The following GGT1 variants were observed in gnomAD, a reference collection of about 807,000 sequenced individuals.
GGT1 encodes glutathione hydrolase 1 proenzyme.
A neutral mutation model predicts 56.0 loss-of-function variants in GGT1; 21 were observed. That is an observed-to-expected ratio of 0.38 (90% CI 0.27 to 0.54). The LOEUF (loss-of-function observed/expected upper bound fraction) is 0.54. Among genes scored for constraint, GGT1 ranks in the 20% least tolerant of loss-of-function variants. The probability of loss-of-function intolerance (pLI) is 0.82; values close to 1 mark genes in which losing one functional copy is unlikely to be tolerated. For synonymous variants in GGT1, 238 were observed against 342.6 expected, an observed-to-expected ratio of 0.69 and a Z score of 3.37; for missense variants, 466 against 787.0, an observed-to-expected ratio of 0.59 and a Z score of 4.88.
chr22:24,592,267 A>G (rs2045592206), upstream of GGT1: 2 of 465,288 alleles, frequency 4.3e-6, no homozygotes, highest in Non-Finnish European at 8.8e-6. Context: ...TGTGATGCAC[A>G]GATGCTGGGG....
At chr22:24,613,958 G>GAT (rs2046879373) in intron 5 of GGT1, among the ~76,000 whole-genome samples, 1 of 152,106 alleles carries the variant, frequency 6.6e-6, no homozygotes, top group Admixed American at 6.5e-5. Context: ...ACTGAAGTGG[G>GAT]AGGATTGCTT....
chr22:24,599,635 T>C (rs540237090), upstream of GGT1, among the ~76,000 whole-genome samples: 97 of 151,984 alleles, frequency 6.4e-4, no homozygotes, highest in South Asian at 1.9e-3. Context: ...GATGCAGGGG[T>C]AGCTGCCCAG....
intron 5 of GGT1, among the ~76,000 whole-genome samples, chr22:24,613,224 C>T (rs561945174): frequency 5.3e-5 from 8 of 152,196 alleles, no homozygotes; most frequent in South Asian, 4.1e-4. Flanking sequence ...TACAGGCGTG[C>T]ATCACACCTG....
At chr22:24,605,744 G>A (rs1208214356) in intron 1 of GGT1, among the ~76,000 whole-genome samples, 1 of 66,406 alleles carries the variant, frequency 1.5e-5, no homozygotes, top group Non-Finnish European at 2.3e-5. Context: ...ATTATATAAT[G>A]TGTATTATAT....
At chr22:24,611,006 C>T (rs3966263) in intron 4 of GGT1, 69 bp from the exon 5 acceptor site, 113 of 1,422,694 alleles carry the variant, frequency 7.9e-5, no homozygotes, top group South Asian at 3.0e-4. Flanking sequence ...TTAGACTGTG[C>T]CCTGTTGGGG....
At chr22:24,588,090 G>T in the GGT1 span, 1 of 739,050 alleles carries the variant, frequency 1.4e-6, no homozygotes, top group Non-Finnish European at 2.3e-6. Flanking sequence ...GCCCTCATGC[G>T]GACCAGGTGA....
At chr22:24,596,643 T>C (rs1292852477) in intron 1 of GGT1, among the ~76,000 whole-genome samples, 1 of 150,504 alleles carries the variant, frequency 6.6e-6, no homozygotes, top group Admixed American at 6.7e-5. Context: ...CTCACGCCTG[T>C]AATCCCAGCA....
chr22:24,607,374 G>A (rs528915501), intron 1 of GGT1, among the ~76,000 whole-genome samples: 25 of 152,272 alleles, frequency 1.6e-4, no homozygotes, highest in African/African-American at 5.5e-4. Context: ...GAGTTCAGAT[G>A]TTCTGAACAG....
upstream of GGT1, among the ~76,000 whole-genome samples, chr22:24,600,147 C>T (rs2147197947): frequency 6.6e-6 from 1 of 152,342 alleles, no homozygotes; most frequent in Non-Finnish European, 1.5e-5. Context: ...CTTTGGGCCC[C>T]TGCTCTGAGC....
At chr22:24,621,224 C>T (rs1265752952) in intron 9 of GGT1, among the ~76,000 whole-genome samples, 154 bp downstream of exon 9, 2 of 152,038 alleles carry the variant, frequency 1.3e-5, no homozygotes, top group African/African-American at 4.8e-5. Flanking sequence ...TCCACAGCTC[C>T]TGCTTATATC....
At chr22:24,622,851 G>A (rs559373277) in intron 9 of GGT1, among the ~76,000 whole-genome samples, 23 of 152,330 alleles carry the variant, frequency 1.5e-4, no homozygotes, top group African/African-American at 5.5e-4. Flanking sequence ...CCGGCTGTTG[G>A]GTGGTGAGCA....
At chr22:24,595,626 A>G (rs980558331) in intron 1 of GGT1, among the ~76,000 whole-genome samples, 2 of 152,342 alleles carry the variant, frequency 1.3e-5, no homozygotes, top group Middle Eastern at 3.4e-3. Flanking sequence ...TAGGGAGGAC[A>G]CAGCTAGACC....
In GGT1 at chr22:24,620,470, G is replaced by A. The variant is rs762456515; in HGVS notation, c.525G>A (p.Ala175=). 1.2e-5 allele frequency: 20 copies of A among 1,611,742 alleles called. No individual in the cohort carries two copies. Among genetic ancestry groups the A allele is most frequent in the East Asian group, 6.7e-5 (3 of 44,876 alleles). The change falls in exon 8 of 16, where the codon GCG becomes GCA. Residue 175 remains alanine, a synonymous_variant. Coordinates refer to ENST00000400382, the MANE Select transcript of GGT1 (RefSeq NM_001288833.2). This position sits in a 1 kb window ranked among gnomAD's most constrained non-coding sequence, Gnocchi z 5.6. ...RQGFPVGKGL[A]AALENKRTVI... ...GCTTCCCCGTGGGCAAGGGCTTGGCGGCAGCCCTGGAAAACAAGCGGACCG... is the reference window on the plus strand; with the variant it reads ...GCTTCCCCGTGGGCAAGGGCTTGGCAGCAGCCCTGGAAAACAAGCGGACCG...
upstream of GGT1, among the ~76,000 whole-genome samples, chr22:24,602,887 C>T (rs8139073): frequency 0.066 from 10,074 of 151,868 alleles, 864 homozygotes; most frequent in African/African-American, 0.23. Flanking sequence ...CAGCCCAGCT[C>T]TGTGGCCCCA....
chr22:24,585,758 C>T, the GGT1 span: 2 of 1,044,314 alleles, frequency 1.9e-6, no homozygotes, highest in South Asian at 1.7e-5. Context: ...CTTCTGTCCC[C>T]TTAATCTCAG....
intron 7 of GGT1, among the ~76,000 whole-genome samples, chr22:24,615,560 C>A (rs1475257767): frequency 6.6e-6 from 1 of 152,142 alleles, no homozygotes; most frequent in African/African-American, 2.4e-5. Flanking sequence ...CAGTTGAGGT[C>A]ACACAGCTGG....
intron 7 of GGT1, among the ~76,000 whole-genome samples, chr22:24,616,649 A>G (rs532159189): frequency 7.0e-6 from 1 of 143,338 alleles, no homozygotes; most frequent in East Asian, 2.1e-4. Flanking sequence ...AGTTCACGCC[A>G]TTCTCCTGCC....
In GGT1 at chr22:24,627,282, C is replaced by T. The variant is rs549700472; in HGVS notation, c.1021-150C>T. ...GGAGTCAGACTGGTCATGCAAGGTCCTGGGCCTGCCCTTGGGTCCTGGGGA... is the reference window on the plus strand; with the variant it reads ...GGAGTCAGACTGGTCATGCAAGGTCTTGGGCCTGCCCTTGGGTCCTGGGGA... On this transcript the variant is annotated intron_variant, in intron 11 of 15. Transcript: ENST00000400382. The T allele has an allele frequency of 8.9e-3, 11,751 of 1,321,432 alleles. 25 individuals carry two copies. The highest frequency in any genetic ancestry group is 0.01 in the Non-Finnish European group (10,080 of 969,390). The allele number at this position is 1,321,432 out of a possible 1,614,324, so 81.9% of individuals were successfully genotyped here.
chr22:24,626,638 C>G (rs944942348), intron 11 of GGT1, among the ~76,000 whole-genome samples: 20 of 151,676 alleles, frequency 1.3e-4, no homozygotes, highest in African/African-American at 4.4e-4. Flanking sequence ...TCTTCTCTTT[C>G]TCCCACCCAG....
Sources: gnomAD v4.1 joint callset for allele counts (sites outside exome capture counted in the v4.1 genomes callset) on GRCh38, gnomAD v4.1.1 for gene constraint, Gnocchi (gnomAD v3.1) non-coding constraint, MANE v1.5 for transcripts, NCBI Gene and HGNC (gene_info 2026-07-23, HGNC 2026-07-21) for gene names.